BRAP: variants seen among roughly 807,000 people sequenced by gnomAD.
BRAP encodes BRCA1-associated protein.
A neutral mutation model predicts 73.4 loss-of-function variants in BRAP; 42 were observed. The ratio of observed to expected loss-of-function variants is 0.57; its 90% confidence interval spans 0.45 to 0.74. The LOEUF (loss-of-function observed/expected upper bound fraction) is 0.74. Among genes scored for constraint, BRAP ranks in the 30% least tolerant of loss-of-function variants. The pLI is 0.00. For synonymous variants in BRAP, 255 were observed against 267.4 expected (o/e 0.95, Z 0.45); for missense variants, 593 against 751.4 (o/e 0.79, Z 2.46).
chr12:111,685,618 G>A, intron 1 of BRAP, 93 bp downstream of exon 1: 2 of 1,429,478 alleles, frequency 1.4e-6, no homozygotes, highest in South Asian at 2.8e-5. Context: ...AACAGCCCTC[G>A]CCGCGGGCTT....
intron 4 of BRAP, among the ~76,000 whole-genome samples, chr12:111,675,486 A>G (rs1287170432): frequency 6.7e-6 from 1 of 148,764 alleles, no homozygotes; most frequent in Non-Finnish European, 1.5e-5. Flanking sequence ...ATATTTTCTG[A>G]GCATCTAGTA....
At position 111,675,294 on chromosome 12, in the gene BRAP, A is replaced by C. The variant is rs79570883; in HGVS notation, c.634-2520T>G. ...ATAAAATAAAATAAAAAAGGAGAAG[A>C]AGCATGTAGGTGAGTTGTCATGGTG... On this transcript the variant is annotated intron_variant, in intron 4 of 11. Coordinates refer to ENST00000419234, the MANE Select transcript of BRAP (RefSeq NM_006768.5). 3.9e-4 allele frequency among the ~76,000 whole-genome samples: 59 copies of C among 151,948 alleles called. 1 individual carries two copies. The East Asian group carries it at 6.4e-3, about 16-fold the overall frequency.
At position 111,644,474 on chromosome 12, in the gene BRAP, C is replaced by A; in HGVS notation, c.1504G>T (p.Val502Phe). ...EMNKCLRANQVLLQNKLKEEE... is the reference protein window; with the variant it reads ...EMNKCLRANQFLLQNKLKEEE... Reference sequence around the variant, plus strand: ...TCTTTTAGCTTGTTCTGCAGGAGGACTTGGTTGGCTCGCAAACACTTGTTC... The same window carrying A: ...TCTTTTAGCTTGTTCTGCAGGAGGAATTGGTTGGCTCGCAAACACTTGTTC... The change falls in exon 12 of 12, where the codon GTC becomes TTC. Residue 502 changes from valine (V) to phenylalanine (F), a missense_variant. By Grantham distance (50) the Val-to-Phe change is conservative (BLOSUM62 -1). Coordinates refer to ENST00000419234, the MANE Select transcript of BRAP (RefSeq NM_006768.5). 1.9e-6 allele frequency: 3 copies of A among 1,614,182 alleles called. No homozygotes were observed. Among genetic ancestry groups the A allele is most frequent in the Non-Finnish European group, 1.7e-6 (2 of 1,180,034 alleles).
chr12:111,683,601 T>C (rs1413521365), intron 1 of BRAP, among the ~76,000 whole-genome samples: 3 of 152,106 alleles, frequency 2.0e-5, no homozygotes, highest in African/African-American at 7.2e-5. Flanking sequence ...AGTGCAGTGG[T>C]GTGATCTTGG....
chr12:111,662,941 C>T (rs1886807484), intron 6 of BRAP, among the ~76,000 whole-genome samples: 1 of 145,378 alleles, frequency 6.9e-6, no homozygotes. Context: ...GGCAAAAGCC[C>T]TTCTAAAAAA....
intron 11 of BRAP, 117 bp downstream of exon 11, chr12:111,649,822 G>A (rs1886251385): frequency 3.0e-6 from 2 of 673,972 alleles, no homozygotes; most frequent in East Asian, 5.5e-5. Context: ...CCATATATAG[G>A]GAGACTCCTG....
At chr12:111,655,698 G>A (rs1258134375) in intron 9 of BRAP, 43 bp from the exon 10 acceptor site, 2 of 1,451,784 alleles carry the variant, frequency 1.4e-6, no homozygotes, top group Non-Finnish European at 1.9e-6. Context: ...AGTCACTGTT[G>A]TCAGCCTCTG....
In BRAP at chr12:111,672,691, C is replaced by T; in HGVS notation, c.717G>A (p.Val239=). 6 of 1,613,930 alleles carry T rather than the reference C, an allele frequency of 3.7e-6. No homozygotes were observed. Among genetic ancestry groups the T allele is most frequent in the Non-Finnish European group, 5.1e-6 (6 of 1,179,934 alleles). ...CAGATTTGAGCACTTCAGCTCTTTC[C>T]ACATACACTAGCTGGCAAACGTCAT... The part of the protein sequence containing the change: ...IEDDVCQLVY[V]ERAEVLKSED... Residue 239 remains valine (V), a synonymous_variant, in exon 5 of 12, where the codon GTG becomes GTA. Coordinates refer to ENST00000419234, the MANE Select transcript of BRAP (RefSeq NM_006768.5).
intron 10 of BRAP, among the ~76,000 whole-genome samples, chr12:111,653,471 A>G (rs1356473599): frequency 6.6e-6 from 1 of 152,142 alleles, no homozygotes; most frequent in Non-Finnish European, 1.5e-5. Flanking sequence ...TCTGCCTACC[A>G]TGTGTTCCTC....
chr12:111,658,613 T>C (rs1459275702), intron 9 of BRAP, 123 bp downstream of exon 9: 1 of 723,022 alleles, frequency 1.4e-6, no homozygotes, highest in African/African-American at 1.8e-5. Context: ...CATAAGCCAC[T>C]GCGCCCGGCC....
intron 1 of BRAP, 62 bp downstream of exon 1, chr12:111,685,649 G>T: frequency 6.5e-7 from 1 of 1,543,500 alleles, no homozygotes. Context: ...AGTGCTTTGG[G>T]AAGGGAAGCC....
chr12:111,681,206 TA>T (rs1887586594), intron 3 of BRAP, among the ~76,000 whole-genome samples: 1 of 151,850 alleles, frequency 6.6e-6, no homozygotes, highest in African/African-American at 2.4e-5. Context: ...CCATCTCTAC[TA>T]AAAATACAAA....
chr12:111,645,131 T>G (rs759333478), intron 11 of BRAP, among the ~76,000 whole-genome samples: 34 of 150,298 alleles, frequency 2.3e-4, no homozygotes, highest in Non-Finnish European at 4.3e-4. Flanking sequence ...TGCAGTGGCG[T>G]GATCTTGGCT....
In BRAP at chr12:111,660,689, CA is replaced by C; in HGVS notation, c.897-15del. 6.3e-7 allele frequency: 1 copy of C among 1,591,382 alleles called. No homozygotes were observed. Among genetic ancestry groups the C allele is most frequent in the Non-Finnish European group, 8.5e-7 (1 of 1,170,818 alleles). Reference sequence around the variant, plus strand: ...CAAACAGGACACCTATCCAGGACACCAAAAGATAATGGTGCAGGTTAAATAT... The same window carrying C: ...CAAACAGGACACCTATCCAGGACACCAAAGATAATGGTGCAGGTTAAATAT... On this transcript the variant is annotated splice_polypyrimidine_tract_variant and intron_variant, in intron 6 of 11. Coordinates refer to ENST00000419234, the MANE Select transcript of BRAP (RefSeq NM_006768.5).
At chr12:111,662,340 C>T (rs753363871) in intron 6 of BRAP, among the ~76,000 whole-genome samples, 4 of 151,988 alleles carry the variant, frequency 2.6e-5, no homozygotes, top group Non-Finnish European at 5.9e-5. Flanking sequence ...TACCTAAGGT[C>T]GGGAGTTTAA....
chr12:111,648,432 T>C (rs1886194050), intron 11 of BRAP, among the ~76,000 whole-genome samples: 2 of 134,304 alleles, frequency 1.5e-5, no homozygotes, highest in Non-Finnish European at 3.1e-5. Context: ...GCCAACATGG[T>C]GAAACCCCGT....
intron 1 of BRAP, 134 bp downstream of exon 1, chr12:111,685,577 A>T (rs1887790158): frequency 7.3e-7 from 1 of 1,372,170 alleles, no homozygotes. Flanking sequence ...AAAGAGAGGG[A>T]TCCCGATTAC....
Position 111,683,228 on chromosome 12 carries a change from TC to T in BRAP, c.161del (p.Gly54GlufsTer4). 2 of 1,614,192 alleles carry T rather than the reference TC, an allele frequency of 1.2e-6. No individual in the cohort carries two copies. The highest frequency in any genetic ancestry group is 1.7e-6 in the Non-Finnish European group (2 of 1,180,038). ...GCTGATGGATAATCGCTACTTTCTC[TC>T]CTGGTGACTTGCCTTCTAAACAGGC... ...AVACLEGKSP[G>X]EKVAIIHQHL... is the part of the protein sequence containing the mutation. On this transcript the variant is annotated frameshift_variant, in exon 2 of 12. Transcript: ENST00000419234. LOFTEE classifies it high-confidence loss of function.
chr12:111,685,527 C>T, intron 1 of BRAP, 184 bp downstream of exon 1: 2 of 1,315,882 alleles, frequency 1.5e-6, no homozygotes, highest in East Asian at 3.0e-5. Context: ...CAGGGCTTCC[C>T]TGAGATAACA....
Sources: gnomAD v4.1 joint callset for allele counts (sites outside exome capture counted in the v4.1 genomes callset) on GRCh38, gnomAD v4.1.1 for gene constraint, MANE v1.5 for transcripts, NCBI Gene and HGNC (gene_info 2026-07-23, HGNC 2026-07-21) for gene names.